Variants in CDKAL1 observed in about 807,000 individuals in gnomAD.
CDKAL1 encodes the protein threonylcarbamoyladenosine tRNA methylthiotransferase.
Under a neutral mutation model 68.2 loss-of-function variants are expected in CDKAL1, and 32 were observed. The observed-to-expected ratio is 0.47, with a 90% CI of 0.35 to 0.63. CDKAL1 has a LOEUF of 0.63. CDKAL1 is among the 30% of genes least tolerant of loss of function. CDKAL1 has a pLI of 0.00. For synonymous variants in CDKAL1, 234 were observed against 244.3 expected (o/e 0.96, Z 0.39); for missense variants, 606 against 696.7 (o/e 0.87, Z 1.47).
At chr6:20,564,785 G>C (rs1372148413) in intron 4 of CDKAL1, among the ~76,000 whole-genome samples, 1 of 152,104 alleles carries the variant, frequency 6.6e-6, no homozygotes, top group Non-Finnish European at 1.5e-5. Flanking sequence ...TGGCTTTTAG[G>C]TCACACTGCC....
intron 10 of CDKAL1, among the ~76,000 whole-genome samples, chr6:20,973,516 G>T (rs940485413): frequency 6.6e-6 from 1 of 152,186 alleles, no homozygotes; most frequent in Admixed American, 6.5e-5. Flanking sequence ...AACAGCAGTA[G>T]AGGCATGCCA....
At chr6:20,732,490 T>C (rs1773000837) in intron 5 of CDKAL1, among the ~76,000 whole-genome samples, 1 of 151,092 alleles carries the variant, frequency 6.6e-6, no homozygotes, top group Non-Finnish European at 1.5e-5. Flanking sequence ...TTTCATCATG[T>C]TGGCCAAGCT....
At chr6:20,614,831 AG>A (rs1177417026) in intron 4 of CDKAL1, among the ~76,000 whole-genome samples, 2 of 151,902 alleles carry the variant, frequency 1.3e-5, no homozygotes, top group Non-Finnish European at 2.9e-5. Context: ...CACATTGTGC[AG>A]GTTAGTTACA....
intron 9 of CDKAL1, among the ~76,000 whole-genome samples, chr6:20,914,163 G>T (rs553190832): frequency 6.6e-6 from 1 of 151,656 alleles, no homozygotes; most frequent in East Asian, 1.9e-4. Context: ...GGTGGCAGGC[G>T]CCTGTAGTCC....
chr6:20,643,100 T>A (rs961612140), intron 4 of CDKAL1, among the ~76,000 whole-genome samples: 3 of 152,206 alleles, frequency 2.0e-5, no homozygotes, highest in Non-Finnish European at 4.4e-5. Context: ...TTACGAGCAC[T>A]CTAAGGGGTT....
chr6:20,669,197 C>A (rs926244804), intron 5 of CDKAL1, among the ~76,000 whole-genome samples: 1 of 152,094 alleles, frequency 6.6e-6, no homozygotes, highest in East Asian at 1.9e-4. Context: ...ATGCTCTCAC[C>A]ATTATAATTT....
intron 13 of CDKAL1, among the ~76,000 whole-genome samples, chr6:21,134,079 C>T (rs879291562): frequency 7.9e-5 from 12 of 152,030 alleles, no homozygotes; most frequent in East Asian, 1.9e-4. Context: ...CGTATGTGGC[C>T]GTGCTCTTTT....
chr6:21,065,380 G>T (rs1298015461), intron 12 of CDKAL1, 152 bp downstream of exon 12: 2 of 599,710 alleles, frequency 3.3e-6, no homozygotes, highest in East Asian at 6.3e-5. Flanking sequence ...CCAGGGGGCC[G>T]TGGATGAGTT....
chr6:21,029,060 C>A (rs993815828), intron 11 of CDKAL1, among the ~76,000 whole-genome samples: 7 of 151,988 alleles, frequency 4.6e-5, no homozygotes, highest in Non-Finnish European at 1.0e-4. Context: ...TTCTTTCTTT[C>A]ATTTTTGGCA....
intron 11 of CDKAL1, among the ~76,000 whole-genome samples, chr6:21,025,022 G>A (rs1768882393): frequency 6.6e-6 from 1 of 152,142 alleles, no homozygotes; most frequent in South Asian, 2.1e-4. Context: ...ACTTGATATT[G>A]TATTATCTGA....
At chr6:20,604,404 A>G (rs1166683584) in intron 4 of CDKAL1, among the ~76,000 whole-genome samples, 2 of 152,164 alleles carry the variant, frequency 1.3e-5, no homozygotes, top group Non-Finnish European at 2.9e-5. Context: ...GTGGTTGATT[A>G]TATTGGACCT....
chr6:21,090,462 A>G (rs1465977793), intron 12 of CDKAL1, among the ~76,000 whole-genome samples: 1 of 152,236 alleles, frequency 6.6e-6, no homozygotes, highest in Non-Finnish European at 1.5e-5. Flanking sequence ...CATAAAATAT[A>G]AAATCCATTG....
At chr6:20,585,421 T>G (rs1765311313) in intron 4 of CDKAL1, among the ~76,000 whole-genome samples, 1 of 152,190 alleles carries the variant, frequency 6.6e-6, no homozygotes, top group African/African-American at 2.4e-5. Flanking sequence ...CCTCTCCAAC[T>G]ATTCCATTTT....
chr6:20,922,581 C>T (rs1259517352), intron 9 of CDKAL1, among the ~76,000 whole-genome samples: 1 of 152,130 alleles, frequency 6.6e-6, no homozygotes, highest in Non-Finnish European at 1.5e-5. Flanking sequence ...GAAAGGTAAA[C>T]TGAGGGGTGC....
At position 20,875,803 on chromosome 6, in the gene CDKAL1, T is replaced by C. The variant is rs146227392; in HGVS notation, c.742+29625T>C. On this transcript the variant is annotated intron_variant, in intron 9 of 15. Transcript: ENST00000274695. ...TACTGAAAATTATCCTCATATATAA[T>C]AGATCTATTTGAAACATTTTGGTAT... Among the ~76,000 whole-genome samples, 475 of 152,332 alleles carry C rather than the reference T, an allele frequency of 3.1e-3. 2 individuals carry two copies. Among genetic ancestry groups the C allele is most frequent in the African/African-American group, 8.8e-3 (364 of 41,576 alleles).
chr6:20,810,676 TAAA>T (rs34206478), intron 8 of CDKAL1, among the ~76,000 whole-genome samples: 9 of 142,640 alleles, frequency 6.3e-5, no homozygotes, highest in Non-Finnish European at 9.2e-5. Flanking sequence ...AATATATTGC[TAAA>T]AAAAAAAAGT....
At chr6:21,098,984 T>G (rs1166199701) in intron 12 of CDKAL1, among the ~76,000 whole-genome samples, 1 of 152,150 alleles carries the variant, frequency 6.6e-6, no homozygotes, top group African/African-American at 2.4e-5. Context: ...TAGTTGACCA[T>G]GCATTATGAA....
chr6:20,672,135 C>T (rs916137473), intron 5 of CDKAL1, among the ~76,000 whole-genome samples: 2 of 151,768 alleles, frequency 1.3e-5, no homozygotes, highest in Admixed American at 1.3e-4. Flanking sequence ...TCTCCCTTCC[C>T]TTCCCTCTCC....
chr6:21,010,119 G>GGA (rs1767933766), intron 11 of CDKAL1, among the ~76,000 whole-genome samples: 17 of 152,136 alleles, frequency 1.1e-4, no homozygotes, highest in Admixed American at 1.1e-3. Context: ...AATATGCATA[G>GGA]TATTACGTAT....
Sources: gnomAD v4.1 joint callset for allele counts (sites outside exome capture counted in the v4.1 genomes callset) on GRCh38, gnomAD v4.1.1 for gene constraint, MANE v1.5 for transcripts, NCBI Gene and HGNC (gene_info 2026-07-23, HGNC 2026-07-21) for gene names.